AGAP1: variants seen among roughly 807,000 people sequenced by gnomAD.
The protein encoded by AGAP1 is ArfGAP with GTPase domain, ankyrin repeat and PH domain 1, also known as arf-GAP with GTPase, ANK repeat and PH domain-containing protein 1.
In AGAP1, 29 loss-of-function variants were observed where a neutral mutation model predicts 105.3. The observed-to-expected ratio is 0.28, with a 90% confidence interval of 0.21 to 0.38. The LOEUF is 0.38. Among genes scored for constraint, AGAP1 ranks in the 10% least tolerant of loss-of-function variants. AGAP1 has a pLI of 1.00. For synonymous variants in AGAP1, 509 were observed against 485.9 expected (o/e 1.05, Z -0.63); for missense variants, 998 against 1,165.1 (o/e 0.86, Z 2.09).
intron 16 of AGAP1, among the ~76,000 whole-genome samples, chr2:236,107,427 C>T (rs947047211): frequency 5.9e-5 from 9 of 152,154 alleles, no homozygotes; most frequent in African/African-American, 2.2e-4. Context: ...CTCCTTTTTG[C>T]GCGCTTTCAT....
chr2:235,670,903 C>T (rs1478707729), intron 1 of AGAP1: 5 of 1,343,874 alleles, frequency 3.7e-6, no homozygotes, highest in African/African-American at 1.5e-5. Context: ...TGCGCTTCTT[C>T]AGCGGCATCT....
Position 235,683,514 on chromosome 2 carries a change from CTT to C in AGAP1, c.164-25664_164-25663del, listed in dbSNP as rs1307952114. Reference sequence around the variant, plus strand: ...ATATTAATAAATTATACAAATAAAACTTATAGATTATAAAATAAGTTTAGTTA... The same window carrying C: ...ATATTAATAAATTATACAAATAAAACATAGATTATAAAATAAGTTTAGTTA... On this transcript the variant is annotated intron_variant, in intron 1 of 17. Transcript: ENST00000304032. Among the ~76,000 whole-genome samples, 29 of 150,072 alleles carry C rather than the reference CTT, an allele frequency of 1.9e-4. No individual in the cohort carries two copies. The South Asian group carries it at 3.5e-3, about 18-fold the overall frequency.
intron 9 of AGAP1, chr2:235,853,221 C>T (rs994599072): frequency 9.8e-6 from 10 of 1,021,820 alleles, no homozygotes; most frequent in Non-Finnish European, 9.4e-6. Flanking sequence ...GTCTTGACTG[C>T]GTTTTATAGA....
At chr2:236,117,310 G>A (rs544190803) in intron 16 of AGAP1, among the ~76,000 whole-genome samples, 3 of 152,254 alleles carry the variant, frequency 2.0e-5, no homozygotes, top group Admixed American at 2.0e-4. Context: ...GATGAAGGTG[G>A]TATCAACAAT....
chr2:235,500,970 A>G (rs554217704), intron 1 of AGAP1, among the ~76,000 whole-genome samples: 2 of 152,278 alleles, frequency 1.3e-5, no homozygotes, highest in East Asian at 3.9e-4. Flanking sequence ...AACAACCACC[A>G]CCCAGCAACC....
At position 235,659,432 on chromosome 2, in the gene AGAP1, G is replaced by A. The variant is rs576663797; in HGVS notation, c.164-49747G>A. ...ACTGGGAAGGGGCGTCAGCTGGGCA[G>A]GCTGAGCCTGTCACCTTTTTCAAAA... On this transcript the variant is annotated intron_variant, in intron 1 of 17. Coordinates refer to ENST00000304032, the MANE Select transcript of AGAP1 (RefSeq NM_001037131.3). This position sits in a 1 kb window ranked among gnomAD's most constrained non-coding sequence, Gnocchi z 5.0. 4.6e-5 allele frequency among the ~76,000 whole-genome samples: 7 copies of A among 152,322 alleles called. No individual in the cohort carries two copies. Among genetic ancestry groups the A allele is most frequent in the Admixed American group, 1.3e-4 (2 of 15,304 alleles).
In AGAP1 at chr2:235,611,689, A is replaced by G. The variant is rs556203059; in HGVS notation, c.164-97490A>G. 2.0e-5 allele frequency among the ~76,000 whole-genome samples: 3 copies of G among 152,364 alleles called. No homozygotes were observed. Among genetic ancestry groups the G allele is most frequent in the African/African-American group, 7.2e-5 (3 of 41,586 alleles). On this transcript the variant is annotated intron_variant, in intron 1 of 17. Transcript: ENST00000304032. The surrounding 1 kb of genome is among the most constrained non-coding windows in gnomAD (Gnocchi z 5.0). ...GTAAACCAGTTGTGAGGAACATTGTATAGAGAAAAAACAACCTTGAGTTTC... is the reference window on the plus strand; with the variant it reads ...GTAAACCAGTTGTGAGGAACATTGTGTAGAGAAAAAACAACCTTGAGTTTC...
At chr2:235,505,409 T>C (rs1277976218) in intron 1 of AGAP1, among the ~76,000 whole-genome samples, 1 of 152,050 alleles carries the variant, frequency 6.6e-6, no homozygotes, top group Non-Finnish European at 1.5e-5. Flanking sequence ...TGTGGATTTC[T>C]CTGGTGGCTT....
chr2:235,698,126 A>T (rs527469810), intron 1 of AGAP1, among the ~76,000 whole-genome samples: 1 of 152,136 alleles, frequency 6.6e-6, no homozygotes, highest in Non-Finnish European at 1.5e-5. Flanking sequence ...CATAAAGAGC[A>T]CACATCCTAG....
chr2:235,606,135 C>A (rs187328375), intron 1 of AGAP1, among the ~76,000 whole-genome samples: 1 of 152,214 alleles, frequency 6.6e-6, no homozygotes, highest in Non-Finnish European at 1.5e-5. Context: ...ATTTCCCCGG[C>A]CTTTCACCGG....
Position 235,973,424 on chromosome 2 carries a change from G to A in AGAP1, c.1645+4801G>A, listed in dbSNP as rs770554800. Among the ~76,000 whole-genome samples the A allele has an allele frequency of 6.6e-6, 1 of 152,150 alleles. No individual in the cohort carries two copies. Among genetic ancestry groups the A allele is most frequent in the Admixed American group, 6.5e-5 (1 of 15,288 alleles). ...AGATGTGTGGATGACAGAGCCCGTC[G>A]CTAGGCTCTTATGTCACAGATGGGC... is the stretch of plus-strand genomic sequence containing the variant. On this transcript the variant is annotated intron_variant, in intron 13 of 17. Coordinates refer to ENST00000304032, the MANE Select transcript of AGAP1 (RefSeq NM_001037131.3). The surrounding 1 kb of genome is among the most constrained non-coding windows in gnomAD (Gnocchi z 4.7).
At position 236,103,468 on chromosome 2, in the gene AGAP1, C is replaced by G. The variant is rs192505075; in HGVS notation, c.2115-16724C>G. On this transcript the variant is annotated intron_variant, in intron 16 of 17. Coordinates refer to ENST00000304032, the MANE Select transcript of AGAP1 (RefSeq NM_001037131.3). ...CTCAGCACAGGCTCCATCTTTTTCTCCTGGGCCCCTTGTTTGTTTGTCTTT... is the reference window on the plus strand; with the variant it reads ...CTCAGCACAGGCTCCATCTTTTTCTGCTGGGCCCCTTGTTTGTTTGTCTTT... 7.8e-4 allele frequency among the ~76,000 whole-genome samples: 118 copies of G among 152,224 alleles called. 1 individual carries two copies. The highest frequency in any genetic ancestry group is 3.5e-3 in the Admixed American group (53 of 15,280).
chr2:235,603,992 C>T (rs1945829498), intron 1 of AGAP1, among the ~76,000 whole-genome samples: 1 of 151,854 alleles, frequency 6.6e-6, no homozygotes, highest in African/African-American at 2.4e-5. Context: ...TTCCAGCATC[C>T]CCGAGATGAA....
At chr2:236,023,034 G>A (rs1240417436) in intron 13 of AGAP1, among the ~76,000 whole-genome samples, 1 of 152,188 alleles carries the variant, frequency 6.6e-6, no homozygotes. Context: ...TTTACAAAGT[G>A]TATGAGGAAA....
chr2:235,985,586 T>C (rs1046815855), intron 13 of AGAP1, among the ~76,000 whole-genome samples: 1 of 152,230 alleles, frequency 6.6e-6, no homozygotes, highest in African/African-American at 2.4e-5. Flanking sequence ...GTTTGGGTTT[T>C]CATTTAACTC....
At position 236,058,041 on chromosome 2, in the gene AGAP1, A is replaced by G. The variant is rs879037165; in HGVS notation, c.2114+8760A>G. Among the ~76,000 whole-genome samples, 1 of 152,192 alleles carries G rather than the reference A, an allele frequency of 6.6e-6. No individual in the cohort carries two copies. The highest frequency in any genetic ancestry group is 1.5e-5 in the Non-Finnish European group (1 of 68,026). On this transcript the variant is annotated intron_variant, in intron 16 of 17. Transcript: ENST00000304032. This position sits in a 1 kb window ranked among gnomAD's most constrained non-coding sequence, Gnocchi z 4.6. ...TATAATGGTTTATTGCAGCATCAGT[A>G]TCACATGGAAAGGTATATTCTTGAG...
At chr2:235,913,124 T>C (rs1002528350) in intron 11 of AGAP1, among the ~76,000 whole-genome samples, 7 of 152,186 alleles carry the variant, frequency 4.6e-5, no homozygotes, top group Non-Finnish European at 1.0e-4. Context: ...TATAATCAGA[T>C]TATCTTTTAC....
At chr2:235,513,522 GAAAAAA>G (rs5839595) in intron 1 of AGAP1, among the ~76,000 whole-genome samples, 30 of 73,228 alleles carry the variant, frequency 4.1e-4, no homozygotes, top group African/African-American at 4.9e-4. Flanking sequence ...CTCCGTCTCA[GAAAAAA>G]AAAAAAAAAA....
At chr2:235,861,780 A>C (rs556199017) in intron 9 of AGAP1, among the ~76,000 whole-genome samples, 1 of 152,098 alleles carries the variant, frequency 6.6e-6, no homozygotes, top group African/African-American at 2.4e-5. Flanking sequence ...TCTGGGCATG[A>C]CCCTTCACCT....
Sources: gnomAD v4.1 joint callset for allele counts (sites outside exome capture counted in the v4.1 genomes callset) on GRCh38, gnomAD v4.1.1 for gene constraint, Gnocchi (gnomAD v3.1) non-coding constraint, MANE v1.5 for transcripts, NCBI Gene and HGNC (gene_info 2026-07-23, HGNC 2026-07-21) for gene names.